The following KIF7 variants were observed in gnomAD, a reference collection of about 807,000 sequenced individuals.
The protein encoded by KIF7 is kinesin family member 7, also known as kinesin-like protein KIF7.
A neutral mutation model predicts 135.7 loss-of-function variants in KIF7; 104 were observed. That is an observed-to-expected ratio of 0.77 (90% confidence interval 0.65 to 0.90). The LOEUF is 0.90. Among genes scored for constraint, KIF7 ranks in the 40% least tolerant of loss-of-function variants. The pLI, the probability that KIF7 is intolerant of heterozygous loss-of-function variation, is 0.00. For synonymous variants in KIF7, 883 were observed against 809.4 expected (o/e 1.09, Z -1.54); for missense variants, 2,005 against 1,839.1 (o/e 1.09, Z -1.65).
At chr15:89,625,035 T>C (rs765684913), downstream of KIF7, 1 of 1,613,930 alleles carries the variant, frequency 6.2e-7, no homozygotes, top group Non-Finnish European at 8.5e-7. Flanking sequence ...AACTTCGAAT[T>C]AAGAAGATAG....
At chr15:89,627,117 G>A (rs572746377), downstream of KIF7, 3 of 1,612,988 alleles carry the variant, frequency 1.9e-6, no homozygotes, top group African/African-American at 4.0e-5. Flanking sequence ...AAAAGATCAA[G>A]GAGTCAGCCA....
chr15:89,630,575 G>T, intron 15 of KIF7, 82 bp from the exon 16 acceptor site: 1 of 1,203,486 alleles, frequency 8.3e-7, no homozygotes, highest in Non-Finnish European at 1.2e-6. Flanking sequence ...CAGCCAACAC[G>T]TAGCCACAAC....
In KIF7 at chr15:89,648,752, C is replaced by A. The variant is rs1383459229; in HGVS notation, c.946G>T (p.Gly316Trp). The change falls in exon 5 of 19, where the codon GGG (glycine) becomes TGG (tryptophan). Residue 316 changes from glycine (G) to tryptophan (W), a missense_variant. Gly to Trp is a radical substitution (Grantham distance 184). Transcript: ENST00000394412. ...GCGATCATCACCGTCTTGGCGTTCC[C>A]GCCCAGCGAGTCTTTGAGGATCCTG... The part of the protein sequence containing the change: ...ITRILKDSLG[G>W]NAKTVMIACV... 6.5e-7 allele frequency: 1 copy of A among 1,535,516 alleles called. No homozygotes were observed. The highest frequency in any genetic ancestry group is 8.7e-7 in the Non-Finnish European group (1 of 1,145,890).
chr15:89,647,212 T>G (rs1964030570), intron 6 of KIF7, among the ~76,000 whole-genome samples, 155 bp from the exon 7 acceptor site: 1 of 150,916 alleles, frequency 6.6e-6, no homozygotes, highest in Admixed American at 6.6e-5. Flanking sequence ...TCTGTAGGAG[T>G]TCAGACTCAA....
chr15:89,624,275 A>G (rs559486405), downstream of KIF7: 4 of 1,614,198 alleles, frequency 2.5e-6, no homozygotes, highest in South Asian at 1.1e-5. Context: ...GTCTCCAAGA[A>G]GAGTCCATTT....
intron 1 of KIF7, among the ~76,000 whole-genome samples, chr15:89,619,479 GA>G (rs1399489124): frequency 3.9e-5 from 6 of 152,108 alleles, no homozygotes; most frequent in Admixed American, 3.9e-4. Flanking sequence ...TAAGACTTCT[GA>G]AGGTAATAGT....
Position 89,647,715 on chromosome 15 carries a change from A to G in KIF7, c.1444-3T>C. The G allele has an allele frequency of 4.5e-6, 7 of 1,559,420 alleles. No individual in the cohort carries two copies. Among genetic ancestry groups the G allele is most frequent in the Non-Finnish European group, 6.1e-6 (7 of 1,153,924 alleles). On this transcript the variant is annotated splice_region_variant and splice_polypyrimidine_tract_variant and intron_variant, in intron 5 of 18. Coordinates refer to ENST00000394412, the MANE Select transcript of KIF7 (RefSeq NM_198525.3). The stretch of plus-strand genomic sequence containing the variant: ...AGCTGCTGCGCCCCCTCATCCTCCT[A>G]TAGGGCAGGGAGAGGGGCTTCAGGG...
At chr15:89,649,396 G>A in intron 3 of KIF7, 29 bp from the exon 4 acceptor site, 1 of 1,446,706 alleles carries the variant, frequency 6.9e-7, no homozygotes, top group Non-Finnish European at 9.1e-7. Context: ...GTGAGCCCCA[G>A]GGCAGGGGCC....
In KIF7 at chr15:89,649,941, G is replaced by A. The variant is rs1250271017; in HGVS notation, c.329C>T (p.Ala110Val). 6.4e-6 allele frequency: 10 copies of A among 1,550,694 alleles called. No homozygotes were observed. The highest frequency in any genetic ancestry group is 7.8e-6 in the Non-Finnish European group (9 of 1,146,952). Residue 110 changes from alanine to valine, a missense_variant and splice_region_variant, in exon 3 of 19, where the codon GCC becomes GTC. Ala to Val is a moderately conservative substitution (Grantham distance 64, BLOSUM62 0). Coordinates refer to ENST00000394412, the MANE Select transcript of KIF7 (RefSeq NM_198525.3). ...GCCCTGCTCATCCTCAAGGAGGGAG[G>A]CTGGGGAGACACCGCAGGGCCTCCT... ...KTYTMGEASV[A>V]SLLEDEQGIV...
intron 2 of KIF7, among the ~76,000 whole-genome samples, chr15:89,617,496 T>C (rs1963353715): frequency 6.6e-6 from 1 of 152,128 alleles, no homozygotes; most frequent in Non-Finnish European, 1.5e-5. Flanking sequence ...TTCCAAAAAA[T>C]AAAAGCAAAA....
chr15:89,633,047 G>T, intron 13 of KIF7, 51 bp from the exon 14 acceptor site: 4 of 1,596,652 alleles, frequency 2.5e-6, no homozygotes, highest in Non-Finnish European at 2.5e-6. Context: ...ACCTCTGGCT[G>T]TGTCAGCCGC....
Position 89,642,190 on chromosome 15 carries a change from C to T in KIF7, c.2394+13G>A. Reference sequence around the variant, plus strand: ...GTCACCCCAGCACCCCACCCTGAGGCCCCGAGACTAACCTGCACCTGGCTC... The same window carrying T: ...GTCACCCCAGCACCCCACCCTGAGGTCCCGAGACTAACCTGCACCTGGCTC... On this transcript the variant is annotated intron_variant, in intron 11 of 18. Transcript: ENST00000394412. 6.2e-7 allele frequency: 1 copy of T among 1,608,730 alleles called. No homozygotes were observed. Among genetic ancestry groups the T allele is most frequent in the Non-Finnish European group, 8.5e-7 (1 of 1,178,960 alleles).
chr15:89,647,296 C>T (rs949918174), intron 6 of KIF7, among the ~76,000 whole-genome samples: 1 of 152,170 alleles, frequency 6.6e-6, no homozygotes, highest in African/African-American at 2.4e-5. Flanking sequence ...CAGAGGGCGC[C>T]AGGAGCAATG....
At chr15:89,625,915 T>C (rs776899253), downstream of KIF7, 1 of 1,552,492 alleles carries the variant, frequency 6.4e-7, no homozygotes, top group East Asian at 2.2e-5. Context: ...ACGCTGCTCT[T>C]ACTATGTGGG....
chr15:89,630,226 G>A, intron 16 of KIF7, 61 bp downstream of exon 16: 3 of 1,503,768 alleles, frequency 2.0e-6, no homozygotes, highest in East Asian at 2.3e-5. Flanking sequence ...CAGCTGCCAT[G>A]AGACACCTCC....
intron 11 of KIF7, among the ~76,000 whole-genome samples, chr15:89,638,471 T>C (rs1055058568): frequency 6.6e-6 from 1 of 151,248 alleles, no homozygotes; most frequent in African/African-American, 2.4e-5. Flanking sequence ...AAAATCAATG[T>C]ACAAAAATCA....
At chr15:89,654,662 C>G (rs1964179828) in intron 1 of KIF7, among the ~76,000 whole-genome samples, 1 of 152,190 alleles carries the variant, frequency 6.6e-6, no homozygotes, top group Non-Finnish European at 1.5e-5. Flanking sequence ...CCACTTTGCA[C>G]TTTATCACCA....
At position 89,630,569 on chromosome 15, in the gene KIF7, C is replaced by CAACACGTAGCA. The variant is rs1245262737; in HGVS notation, c.3112-77_3112-76insTGCTACGTGTT. 3.2e-6 allele frequency: 4 copies of CAACACGTAGCA among 1,238,570 alleles called. No individual in the cohort carries two copies. The Admixed American group carries it at 7.9e-5, about 24-fold the overall frequency. 76.7% of individuals were successfully genotyped at this position (1,238,570 alleles called of 1,614,324 possible). On this transcript the variant is annotated intron_variant, in intron 15 of 18. Transcript: ENST00000394412. ...AAGTCCTGGGCAGACATGCAACAGC[C>CAACACGTAGCA]AACACGTAGCCACAACTGGGCCTTA...
At chr15:89,633,019 G>GGAGGGAGGGAGGGAGA (rs777996843) in intron 13 of KIF7, 23 bp from the exon 14 acceptor site, 1 of 1,572,002 alleles carries the variant, frequency 6.4e-7, no homozygotes, top group East Asian at 2.2e-5. Flanking sequence ...AGGGAGGGAG[G>GGAGGGAGGGAGGGAGA]GAGGGAACTC....
Sources: allele counts gnomAD v4.1 joint callset (sites outside exome capture counted in the v4.1 genomes callset), GRCh38; gene constraint gnomAD v4.1.1; transcripts MANE v1.5; gene names NCBI Gene and HGNC (gene_info 2026-07-23, HGNC 2026-07-21).